Variants in MINK1 observed in about 807,000 individuals in gnomAD.
The protein encoded by MINK1 is misshapen-like kinase 1.
MINK1 carries 46 observed loss-of-function variants against 178.4 expected under a neutral mutation model. The observed-to-expected ratio is 0.26, with a 90% CI of 0.20 to 0.33. The LOEUF (loss-of-function observed/expected upper bound fraction) is 0.33, where lower values mean the gene tolerates loss of function less well. Ranked by LOEUF, MINK1 falls within the 10% of genes least tolerant of loss-of-function variation. The pLI, the probability that MINK1 is intolerant of heterozygous loss-of-function variation, is 1.00. For missense variants in MINK1, 1,366 were observed against 1,814.9 expected (o/e 0.75, Z 4.49); for synonymous variants, 797 against 709.7 (o/e 1.12, Z -1.96).
Position 4,884,440 on chromosome 17 carries a change from C to T in MINK1, c.384C>T (p.Asp128=), listed in dbSNP as rs1158365595. ...CAAAAGGCAACGCCCTGAAGGAGGACTGTATCGCCTATATCTGCAGGGAGA... is the reference window on the plus strand; with the variant it reads ...CAAAAGGCAACGCCCTGAAGGAGGATTGTATCGCCTATATCTGCAGGGAGA... The part of the protein sequence containing the change: ...KNTKGNALKE[D]CIAYICREIL... The change falls in exon 5 of 32, where the codon GAC becomes GAT. Residue 128 remains aspartate (D), a synonymous_variant. Coordinates refer to ENST00000355280, the MANE Select transcript of MINK1 (RefSeq NM_153827.5). 3 of 1,613,760 alleles carry T rather than the reference C, an allele frequency of 1.9e-6. No homozygotes were observed. The African/African-American group carries it at 4.0e-5, about 22-fold the overall frequency.
At chr17:4,853,678 C>G (rs1197597430) in intron 1 of MINK1, among the ~76,000 whole-genome samples, 1 of 152,014 alleles carries the variant, frequency 6.6e-6, no homozygotes, top group Non-Finnish European at 1.5e-5. Context: ...ACTGTAAAGT[C>G]TGGGCAGTTG....
intron 1 of MINK1, among the ~76,000 whole-genome samples, chr17:4,864,231 C>G (rs1914602090): frequency 6.6e-6 from 1 of 150,926 alleles, no homozygotes; most frequent in Non-Finnish European, 1.5e-5. Flanking sequence ...GAAACCCCGT[C>G]TCTACTAAAA....
At position 4,862,441 on chromosome 17, in the gene MINK1, G is replaced by A. The variant is rs566935723; in HGVS notation, c.58-15876G>A. Among the ~76,000 whole-genome samples the A allele has an allele frequency of 3.9e-5, 6 of 152,270 alleles. No individual in the cohort carries two copies. In the South Asian group the frequency reaches 1.2e-3, roughly 32 times the overall value. ...AGGCCGAGACGGGTGGATCACCTGA[G>A]GTCAGGAGTTCAAGACCAGCCAGGC... On this transcript the variant is annotated intron_variant, in intron 1 of 31. Coordinates refer to ENST00000355280, the MANE Select transcript of MINK1 (RefSeq NM_153827.5).
chr17:4,840,044 C>T (rs1014930489), intron 1 of MINK1, among the ~76,000 whole-genome samples: 3 of 149,972 alleles, frequency 2.0e-5, no homozygotes, highest in Non-Finnish European at 4.4e-5. Context: ...GCACATATAA[C>T]AAGAGTTGTT....
chr17:4,879,634 C>T (rs1047366435), intron 2 of MINK1, among the ~76,000 whole-genome samples: 5 of 152,180 alleles, frequency 3.3e-5, no homozygotes, highest in African/African-American at 1.2e-4. Context: ...CTGCTCGTCC[C>T]CAGGAAGCCT....
chr17:4,896,158 G>A lies in MINK1; in HGVS notation c.3466-35G>A, dbSNP rs190652647. The A allele has an allele frequency of 1.5e-4, 239 of 1,602,060 alleles. 1 individual carries two copies. The East Asian group carries it at 5.0e-3, about 33-fold the overall frequency. On this transcript the variant is annotated intron_variant, in intron 28 of 31. Coordinates refer to ENST00000355280, the MANE Select transcript of MINK1 (RefSeq NM_153827.5). This position sits in a 1 kb window ranked among gnomAD's most constrained non-coding sequence, Gnocchi z 4.6. Reference sequence around the variant, plus strand: ...CTGGAGTCCCAGCGCCTCTCCCCGTGCCCCTGAGCCCTCCTCTCCTCCGGT... The same window carrying A: ...CTGGAGTCCCAGCGCCTCTCCCCGTACCCCTGAGCCCTCCTCTCCTCCGGT...
intron 1 of MINK1, among the ~76,000 whole-genome samples, chr17:4,852,590 C>T (rs1005769981): frequency 2.0e-5 from 3 of 150,008 alleles, no homozygotes; most frequent in African/African-American, 7.4e-5. Flanking sequence ...TGTTCCTGCC[C>T]CTCTGCCTCA....
chr17:4,836,377 C>T lies in MINK1; in HGVS notation c.57+2737C>T, dbSNP rs1909309916. ...CCATGTGTGGGGAGGCCAGATGGAC[C>T]TGCTACTTTGTAGCCACAGCCACAC... On this transcript the variant is annotated intron_variant, in intron 1 of 31. Coordinates refer to ENST00000355280, the MANE Select transcript of MINK1 (RefSeq NM_153827.5). This position sits in a 1 kb window ranked among gnomAD's most constrained non-coding sequence, Gnocchi z 4.3. Among the ~76,000 whole-genome samples, 1 of 152,182 alleles carries T rather than the reference C, an allele frequency of 6.6e-6. No homozygotes were observed. The highest frequency in any genetic ancestry group is 1.5e-5 in the Non-Finnish European group (1 of 68,042).
In MINK1 at chr17:4,839,939, ATGTGTGTGTGTGTGTG is replaced by A. The variant is rs34473686; in HGVS notation, c.57+6330_57+6345del. 2.3e-3 allele frequency among the ~76,000 whole-genome samples: 327 copies of A among 141,988 alleles called. 1 individual carries two copies. Among genetic ancestry groups the A allele is most frequent in the East Asian group, 0.01 (52 of 5,054 alleles). 93.1% of individuals were successfully genotyped at this position (141,988 alleles called of 152,430 possible). ...ACATTAATCAAGTAATTATTTATTA[ATGTGTGTGTGTGTGTG>A]TGTGTGTGTGTGTGTGTGTGTGTGT... is the stretch of plus-strand genomic sequence containing the variant. On this transcript the variant is annotated intron_variant, in intron 1 of 31. Transcript: ENST00000355280.
chr17:4,849,110 C>G (rs910796260), intron 1 of MINK1, among the ~76,000 whole-genome samples: 8 of 152,152 alleles, frequency 5.3e-5, no homozygotes, highest in Non-Finnish European at 1.2e-4. Flanking sequence ...ATTCTGTGGG[C>G]TTGGCTTCCC....
intron 1 of MINK1, among the ~76,000 whole-genome samples, chr17:4,858,620 G>T (rs1913583007): frequency 1.3e-5 from 2 of 151,896 alleles, no homozygotes. Flanking sequence ...GGGATTACAG[G>T]CATGCACTAC....
chr17:4,889,532 GTC>G, intron 12 of MINK1, 113 bp from the exon 13 acceptor site: 2 of 912,302 alleles, frequency 2.2e-6, no homozygotes, highest in Non-Finnish European at 3.4e-6. Flanking sequence ...GCGGAAGCCG[GTC>G]TCTCTTACCA....
At chr17:4,867,419 G>A (rs1437125762) in intron 1 of MINK1, among the ~76,000 whole-genome samples, 2 of 151,974 alleles carry the variant, frequency 1.3e-5, no homozygotes, top group South Asian at 2.1e-4. Context: ...AAAGGCTGAG[G>A]CAGGAGGATC....
intron 1 of MINK1, among the ~76,000 whole-genome samples, chr17:4,864,779 G>A (rs957076878): frequency 2.0e-5 from 3 of 152,310 alleles, no homozygotes; most frequent in Middle Eastern, 3.4e-3. Context: ...TGAGATGGCC[G>A]ATATGGGCAA....
chr17:4,847,192 A>G (rs780471120), intron 1 of MINK1: 5 of 483,866 alleles, frequency 1.0e-5, no homozygotes, highest in Admixed American at 6.5e-5. Context: ...TGAACATGGC[A>G]TGAGGAGCCG....
chr17:4,896,358 CTGCTGGGGGAGT>C lies in MINK1; in HGVS notation c.3615+17_3615+28del, dbSNP rs1366962952. On this transcript the variant is annotated intron_variant, in intron 29 of 31. Coordinates refer to ENST00000355280, the MANE Select transcript of MINK1 (RefSeq NM_153827.5). The surrounding 1 kb of genome is among the most constrained non-coding windows in gnomAD (Gnocchi z 4.6). ...CCCTGTGCACGTGAGCTTGGCGGGG[CTGCTGGGGGAGT>C]GGGATGGCCCAGTCTGGGCACCAGA... 2 of 1,601,312 alleles carry C rather than the reference CTGCTGGGGGAGT, an allele frequency of 1.2e-6. No individual in the cohort carries two copies. The highest frequency in any genetic ancestry group is 1.7e-6 in the Non-Finnish European group (2 of 1,172,732).
intron 2 of MINK1, among the ~76,000 whole-genome samples, chr17:4,878,666 GGCCTTGT>G (rs1967420332): frequency 6.6e-6 from 1 of 152,170 alleles, no homozygotes; most frequent in African/African-American, 2.4e-5. Flanking sequence ...AAGGGCATAC[GGCCTTGT>G]GTGTCAGAAC....
chr17:4,893,088 C>T (rs1341064534), intron 20 of MINK1, 21 bp downstream of exon 20: 1 of 1,551,538 alleles, frequency 6.4e-7, no homozygotes. Flanking sequence ...TGGTGGCAGG[C>T]ATGGCCTGCC....
intron 1 of MINK1, among the ~76,000 whole-genome samples, chr17:4,844,391 C>G (rs566802327): frequency 6.6e-6 from 1 of 152,208 alleles, no homozygotes. Flanking sequence ...TTATCCATAA[C>G]GTTTCTTGGT....
Sources: allele counts gnomAD v4.1 joint callset (sites outside exome capture counted in the v4.1 genomes callset), GRCh38; gene constraint gnomAD v4.1.1; non-coding constraint Gnocchi (gnomAD v3.1); transcripts MANE v1.5; gene names NCBI Gene and HGNC (gene_info 2026-07-23, HGNC 2026-07-21).